The following RFX7 variants were observed in gnomAD, a reference collection of about 807,000 sequenced individuals.
RFX7 encodes the protein regulatory factor X7.
Under a neutral mutation model 111.8 loss-of-function variants are expected in RFX7, and 26 were observed. The observed-to-expected ratio is 0.23, with a 90% CI of 0.17 to 0.32. The LOEUF is 0.32. Among genes scored for constraint, RFX7 ranks in the 10% least tolerant of loss-of-function variants. The probability of loss-of-function intolerance (pLI) is 1.00; values close to 1 mark genes in which losing one functional copy is unlikely to be tolerated. For missense variants in RFX7, 1,573 were observed against 1,772.9 expected (o/e 0.89, Z 2.02); for synonymous variants, 624 against 624.4 (o/e 1.00, Z 0.01).
chr15:56,124,085 G>T (rs1193602195), intron 5 of RFX7, among the ~76,000 whole-genome samples: 2 of 152,174 alleles, frequency 1.3e-5, no homozygotes, highest in African/African-American at 4.8e-5. Flanking sequence ...AGGATGATCA[G>T]TGGAGGCTTC....
At chr15:56,196,575 A>T (rs1485042442) in intron 2 of RFX7, among the ~76,000 whole-genome samples, 1 of 152,040 alleles carries the variant, frequency 6.6e-6, no homozygotes, top group Non-Finnish European at 1.5e-5. Context: ...CCAAATTTGT[A>T]TGTTGAAGCC....
At chr15:56,187,819 G>C (rs2043058013) in intron 2 of RFX7, among the ~76,000 whole-genome samples, 1 of 152,148 alleles carries the variant, frequency 6.6e-6, no homozygotes, top group South Asian at 2.1e-4. Flanking sequence ...AGCCACATTA[G>C]ATGTCTACTA....
intron 5 of RFX7, among the ~76,000 whole-genome samples, chr15:56,137,300 A>C (rs1459545398): frequency 6.6e-6 from 1 of 152,070 alleles, no homozygotes; most frequent in Non-Finnish European, 1.5e-5. Flanking sequence ...AGATCCTGTT[A>C]TTGGTCTATT....
rs148952413 is a variant in RFX7 at position 56,219,908 on chromosome 15, G to T, written c.161+23217C>A. 4.5e-3 allele frequency among the ~76,000 whole-genome samples: 686 copies of T among 152,214 alleles called. 2 individuals carry two copies. The highest frequency in any genetic ancestry group is 7.1e-3 in the Admixed American group (109 of 15,288). On this transcript the variant is annotated intron_variant, in intron 2 of 9. Transcript: ENST00000559447. ...AATAATGGGATTGCTGGGTCATATG[G>T]TAGTTCCGTTTACAGTTCTTTGAGA...
chr15:56,225,165 G>A (rs1439560744), intron 2 of RFX7, among the ~76,000 whole-genome samples: 1 of 152,088 alleles, frequency 6.6e-6, no homozygotes, highest in African/African-American at 2.4e-5. Context: ...AAAATATGCA[G>A]GTCTAAAATA....
chr15:56,218,718 ACT>A (rs1363158975), intron 2 of RFX7, among the ~76,000 whole-genome samples: 1 of 152,084 alleles, frequency 6.6e-6, no homozygotes, highest in Non-Finnish European at 1.5e-5. Context: ...AAGCAAAAAA[ACT>A]CTCTCAAATA....
At position 56,094,289 on chromosome 15, in the gene RFX7, C is replaced by T. The variant is rs1189597943; in HGVS notation, c.3439G>A (p.Ala1147Thr). The T allele has an allele frequency of 1.2e-6, 2 of 1,613,960 alleles. No homozygotes were observed. The highest frequency in any genetic ancestry group is 1.7e-6 in the Non-Finnish European group (2 of 1,179,870). The change falls in exon 10 of 10, where the codon GCC becomes ACC. Residue 1147 changes from alanine to threonine, a missense_variant. Coordinates refer to ENST00000559447, the MANE Select transcript of RFX7 (RefSeq NM_022841.7). ...TNKQEGFAVP[A>T]PLDNKGTNSS... ...TTAGTTCCTTTATTATCAAGAGGGG[C>T]AGGGACTGCAAAACCCTCCTGTTTG...
intron 2 of RFX7, among the ~76,000 whole-genome samples, chr15:56,211,610 T>C (rs2682044): frequency 0.33 from 50,119 of 151,850 alleles, 9,415 homozygotes; most frequent in East Asian, 0.42. Flanking sequence ...GAAAAGAAAG[T>C]TGAGCTACAG....
rs1181332610 is a variant in RFX7, at chr15:56,089,268, C to CCTG, written c.*4074_*4076dup. ...AAAGGCTAAGAACTGCTCTTACTAT[C>CCTG]CTGCTTGGGATGTTATGAGGGTATA... On this transcript the variant is annotated 3_prime_UTR_variant, in exon 10 of 10. Transcript: ENST00000559447. 6.6e-6 allele frequency: 1 copy of CCTG among 152,488 alleles called. No individual in the cohort carries two copies. Among genetic ancestry groups the CCTG allele is most frequent in the Admixed American group, 6.6e-5 (1 of 15,252 alleles). 9.4% of individuals were successfully genotyped at this position (152,488 alleles called of 1,614,324 possible).
At chr15:56,136,904 T>G (rs1429464055) in intron 5 of RFX7, among the ~76,000 whole-genome samples, 1 of 147,510 alleles carries the variant, frequency 6.8e-6, no homozygotes, top group Non-Finnish European at 1.5e-5. Flanking sequence ...GCTCTGTTTA[T>G]ATGCTGGATT....
intron 5 of RFX7, among the ~76,000 whole-genome samples, chr15:56,110,304 T>C (rs1398306718): frequency 5.2e-5 from 2 of 38,142 alleles, no homozygotes; most frequent in African/African-American, 8.5e-5. Flanking sequence ...AGCCGCCCCG[T>C]CCGGGAGGGA....
chr15:56,227,309 C>T (rs1349476846), intron 2 of RFX7, among the ~76,000 whole-genome samples: 1 of 152,082 alleles, frequency 6.6e-6, no homozygotes, highest in African/African-American at 2.4e-5. Context: ...GTTTTTTTAT[C>T]CACTCTGACA....
At chr15:56,114,158 G>T (rs1163304990) in intron 5 of RFX7, among the ~76,000 whole-genome samples, 2 of 151,946 alleles carry the variant, frequency 1.3e-5, no homozygotes, top group African/African-American at 4.8e-5. Flanking sequence ...TATTCCTAGC[G>T]CTCTGGGAGG....
At chr15:56,130,457 A>G (rs1198359154) in intron 5 of RFX7, among the ~76,000 whole-genome samples, 1 of 152,138 alleles carries the variant, frequency 6.6e-6, no homozygotes, top group Admixed American at 6.5e-5. Flanking sequence ...TTTAGGTCAC[A>G]GAAAAAAGCA....
chr15:56,172,424 G>C (rs1388529918), intron 3 of RFX7, among the ~76,000 whole-genome samples: 1 of 152,002 alleles, frequency 6.6e-6, no homozygotes, highest in East Asian at 1.9e-4. Context: ...CATGAGAATA[G>C]GCTAGTAAAA....
At chr15:56,119,310 T>C (rs189430728) in intron 5 of RFX7, among the ~76,000 whole-genome samples, 36 of 152,358 alleles carry the variant, frequency 2.4e-4, no homozygotes, top group African/African-American at 8.4e-4. Context: ...AGTAGTTTCA[T>C]AGTTTGAGGT....
At chr15:56,124,267 A>G (rs1222616526) in intron 5 of RFX7, among the ~76,000 whole-genome samples, 6 of 152,070 alleles carry the variant, frequency 3.9e-5, no homozygotes, top group Non-Finnish European at 8.8e-5. Flanking sequence ...CTAAAAATAC[A>G]AAAAATTAGC....
intron 2 of RFX7, among the ~76,000 whole-genome samples, chr15:56,188,839 C>CT (rs1210032494): frequency 8.6e-5 from 13 of 151,516 alleles, no homozygotes; most frequent in South Asian, 6.2e-4. Context: ...ATTTTTTTTT[C>CT]TTTTTCTTTT....
rs760497878 is a variant in RFX7, at chr15:56,087,449, G to A, written c.*5896C>T. The A allele has an allele frequency of 2.4e-5, 11 of 456,568 alleles. No homozygotes were observed. The highest frequency in any genetic ancestry group is 4.8e-5 in the Non-Finnish European group (11 of 226,978). 28.3% of individuals were successfully genotyped at this position (456,568 alleles called of 1,614,324 possible). ...TGTCTTTAACATGAAGTCCAGGAGG[G>A]CTGCTTGAGTTCTAGCCATCACATT... On this transcript the variant is annotated 3_prime_UTR_variant, in exon 10 of 10. Transcript: ENST00000559447.
Sources: gnomAD v4.1 joint callset for allele counts (sites outside exome capture counted in the v4.1 genomes callset) on GRCh38, gnomAD v4.1.1 for gene constraint, MANE v1.5 for transcripts, NCBI Gene and HGNC (gene_info 2026-07-23, HGNC 2026-07-21) for gene names.